Variants in ASTN2 observed in about 807,000 individuals in gnomAD.
ASTN2 encodes astrotactin-2.
A neutral mutation model predicts 139.8 loss-of-function variants in ASTN2; 54 were observed. The observed-to-expected ratio is 0.39, with a 90% CI of 0.31 to 0.48. The LOEUF is 0.48. ASTN2 is among the 20% of genes least tolerant of loss of function. The pLI is 0.95. For synonymous variants in ASTN2, 756 were observed against 719.5 expected, an observed-to-expected ratio of 1.05 and a Z score of -0.81; for missense variants, 1,565 against 1,725.1, an observed-to-expected ratio of 0.91 and a Z score of 1.64.
chr9:117,317,450 G>T (rs891155260), intron 1 of ASTN2, among the ~76,000 whole-genome samples: 3 of 152,162 alleles, frequency 2.0e-5, no homozygotes, highest in African/African-American at 7.2e-5. Context: ...CAGCTGCTTG[G>T]TGCAGATTTG....
intron 4 of ASTN2, among the ~76,000 whole-genome samples, chr9:117,128,574 C>G (rs144984533): frequency 5.1e-4 from 77 of 152,120 alleles, no homozygotes; most frequent in Non-Finnish European, 9.7e-4. Context: ...GAGGTCTGAT[C>G]CCCAGGCAAG....
intron 13 of ASTN2, among the ~76,000 whole-genome samples, chr9:116,736,992 G>T (rs758845738): frequency 6.6e-6 from 1 of 152,156 alleles, no homozygotes; most frequent in Non-Finnish European, 1.5e-5. Flanking sequence ...ACCCCTTCTC[G>T]GAGGAAGGTT....
chr9:117,065,347 C>T (rs1587923256), intron 5 of ASTN2, among the ~76,000 whole-genome samples: 1 of 152,160 alleles, frequency 6.6e-6, no homozygotes, highest in African/African-American at 2.4e-5. Context: ...TCCTGGAGTG[C>T]CTTTCCTCAC....
chr9:116,792,446 C>T (rs1055461140), intron 13 of ASTN2, among the ~76,000 whole-genome samples: 5 of 152,108 alleles, frequency 3.3e-5, no homozygotes, highest in Admixed American at 3.3e-4. Flanking sequence ...GAAATTGCAG[C>T]GTGGGCACAT....
intron 17 of ASTN2, among the ~76,000 whole-genome samples, chr9:116,644,095 G>GGTGTAGCATA (rs1335710218): frequency 6.6e-6 from 1 of 152,138 alleles, no homozygotes; most frequent in Non-Finnish European, 1.5e-5. Flanking sequence ...GTAGCATAGT[G>GGTGTAGCATA]GTGGCGGTAG....
chr9:117,129,481 G>A (rs926484641), intron 4 of ASTN2, among the ~76,000 whole-genome samples: 2 of 152,100 alleles, frequency 1.3e-5, no homozygotes, highest in Non-Finnish European at 2.9e-5. Context: ...AAGACATCAA[G>A]ATCCATAAAC....
chr9:116,973,771 T>C (rs1378381194), intron 10 of ASTN2, among the ~76,000 whole-genome samples: 1 of 152,198 alleles, frequency 6.6e-6, no homozygotes, highest in African/African-American at 2.4e-5. Context: ...AGTATGTGAA[T>C]GTGTGTGTGA....
intron 5 of ASTN2, among the ~76,000 whole-genome samples, chr9:117,084,473 C>T (rs532696093): frequency 7.2e-5 from 11 of 152,268 alleles, no homozygotes; most frequent in South Asian, 2.1e-4. Flanking sequence ...TGGAGCCAAC[C>T]GAAACCCAAT....
chr9:117,014,781 C>A (rs10817975), intron 6 of ASTN2, among the ~76,000 whole-genome samples: 40,710 of 151,666 alleles, frequency 0.27, 5,573 homozygotes, highest in African/African-American at 0.32. Context: ...ATATTGGGGC[C>A]CAGGTACACA....
intron 16 of ASTN2, among the ~76,000 whole-genome samples, chr9:116,661,301 C>T (rs372811370): frequency 6.6e-6 from 1 of 152,112 alleles, no homozygotes; most frequent in Non-Finnish European, 1.5e-5. Context: ...CTGTTCTGAT[C>T]CTTTCTTGGC....
intron 2 of ASTN2, among the ~76,000 whole-genome samples, chr9:117,241,930 C>G (rs531908206): frequency 6.6e-6 from 1 of 150,422 alleles, no homozygotes; most frequent in African/African-American, 2.5e-5. Flanking sequence ...AGTTACCCCC[C>G]CCCACACACA....
chr9:116,901,899 G>A (rs895749753), intron 10 of ASTN2, among the ~76,000 whole-genome samples: 2 of 152,098 alleles, frequency 1.3e-5, no homozygotes, highest in Non-Finnish European at 2.9e-5. Flanking sequence ...ATGGTGGTAT[G>A]TGCCTATAAT....
intron 13 of ASTN2, among the ~76,000 whole-genome samples, chr9:116,783,454 A>C (rs1365435236): frequency 6.6e-6 from 1 of 152,112 alleles, no homozygotes; most frequent in African/African-American, 2.4e-5. Flanking sequence ...ATACAAATAA[A>C]CATGGCTCTG....
chr9:116,594,964 CACAT>C (rs1223320386), intron 19 of ASTN2, among the ~76,000 whole-genome samples: 1 of 152,154 alleles, frequency 6.6e-6, no homozygotes, highest in African/African-American at 2.4e-5. Context: ...CATACATACA[CACAT>C]ACATACATAA....
chr9:117,029,779 C>G (rs1259314295), intron 6 of ASTN2, among the ~76,000 whole-genome samples: 1 of 152,002 alleles, frequency 6.6e-6, no homozygotes, highest in African/African-American at 2.4e-5. Context: ...TATCTATCTT[C>G]CTTCTTCTAG....
intron 3 of ASTN2, among the ~76,000 whole-genome samples, chr9:117,177,800 C>G (rs1196790453): frequency 3.6e-4 from 55 of 152,180 alleles, no homozygotes; most frequent in Admixed American, 3.5e-3. Flanking sequence ...GCGACCTGTT[C>G]TCTCAGCTTC....
intron 19 of ASTN2, among the ~76,000 whole-genome samples, chr9:116,549,534 C>T (rs1852250981): frequency 6.6e-6 from 1 of 152,202 alleles, no homozygotes; most frequent in African/African-American, 2.4e-5. Context: ...GCTACTTCCT[C>T]ACCCTGTTTC....
intron 1 of ASTN2, among the ~76,000 whole-genome samples, chr9:117,347,366 C>T (rs1369447820): frequency 1.3e-5 from 2 of 151,966 alleles, no homozygotes; most frequent in Non-Finnish European, 2.9e-5. Flanking sequence ...CTCTCATTTG[C>T]TCTCACCACC....
intron 4 of ASTN2, among the ~76,000 whole-genome samples, chr9:117,138,637 C>G (rs1830006167): frequency 6.6e-6 from 1 of 152,082 alleles, no homozygotes; most frequent in African/African-American, 2.4e-5. Context: ...TTTGAGGAGA[C>G]TGAATGCAAG....
Sources: allele counts gnomAD v4.1 joint callset (sites outside exome capture counted in the v4.1 genomes callset), GRCh38; gene constraint gnomAD v4.1.1; transcripts MANE v1.5; gene names NCBI Gene and HGNC (gene_info 2026-07-23, HGNC 2026-07-21).